Variants in SCN9A observed in about 807,000 individuals in gnomAD.
The protein encoded by SCN9A is sodium channel protein type 9 subunit alpha.
A neutral mutation model predicts 187.0 loss-of-function variants in SCN9A; 131 were observed. The ratio of observed to expected loss-of-function variants is 0.70; its 90% CI spans 0.61 to 0.81. The LOEUF is 0.81. SCN9A is among the 30% of genes least tolerant of loss of function. The pLI, the probability that SCN9A is intolerant of heterozygous loss-of-function variation, is 0.00. For missense variants in SCN9A, 2,252 were observed against 2,396.6 expected (o/e 0.94, Z 1.26); for synonymous variants, 809 against 808.6 (o/e 1.00, Z -0.01).
At chr2:166,225,359 T>C (rs891251601) in intron 24 of SCN9A, among the ~76,000 whole-genome samples, 1 of 152,192 alleles carries the variant, frequency 6.6e-6, no homozygotes, top group East Asian at 1.9e-4. Flanking sequence ...CTGACTGTCA[T>C]GTATATTTTT....
At chr2:166,257,185 A>T (rs1428809186) in intron 17 of SCN9A, among the ~76,000 whole-genome samples, 1 of 151,668 alleles carries the variant, frequency 6.6e-6, no homozygotes, top group Non-Finnish European at 1.5e-5. Context: ...AGTGTCTTAA[A>T]GTCTTTAGAA....
chr2:166,375,045 A>T (rs1014405373), intron 1 of SCN9A, among the ~76,000 whole-genome samples: 2 of 152,154 alleles, frequency 1.3e-5, no homozygotes, highest in Non-Finnish European at 1.5e-5. Context: ...ATTTTTTCCT[A>T]AAAGTAAATG....
Position 166,286,626 on chromosome 2 carries a change from G to T in SCN9A, c.1315-3C>A. Reference sequence around the variant, plus strand: ...TCAGCCGCTGCCGCTGCAATTGCCTGGTTGGGCCAAGACGTTAACACTTAA... The same window carrying T: ...TCAGCCGCTGCCGCTGCAATTGCCTTGTTGGGCCAAGACGTTAACACTTAA... On this transcript the variant is annotated splice_region_variant and splice_polypyrimidine_tract_variant and intron_variant, in intron 10 of 26. Coordinates refer to ENST00000642356, the MANE Select transcript of SCN9A (RefSeq NM_001365536.1). 6.5e-7 allele frequency: 1 copy of T among 1,530,760 alleles called. No individual in the cohort carries two copies. The highest frequency in any genetic ancestry group is 8.7e-7 in the Non-Finnish European group (1 of 1,144,500). The allele number at this position is 1,530,760 out of a possible 1,614,324, so 94.8% of individuals were successfully genotyped here.
chr2:166,263,495 G>A (rs753534763), intron 17 of SCN9A, among the ~76,000 whole-genome samples: 6 of 151,916 alleles, frequency 3.9e-5, no homozygotes, highest in Non-Finnish European at 8.8e-5. Context: ...ACTGCAAGTA[G>A]TTCAAATTTA....
chr2:166,361,285 C>T (rs1038064012), intron 1 of SCN9A, among the ~76,000 whole-genome samples: 15 of 152,006 alleles, frequency 9.9e-5, no homozygotes, highest in Admixed American at 7.9e-4. Flanking sequence ...TTCTTAGGAA[C>T]GAGAATATAT....
At chr2:166,315,519 A>G (rs1307999247) in intron 1 of SCN9A, among the ~76,000 whole-genome samples, 1 of 152,228 alleles carries the variant, frequency 6.6e-6, no homozygotes, top group Non-Finnish European at 1.5e-5. Flanking sequence ...TTAAAGGAAG[A>G]CACTAAGCAC....
At chr2:166,303,861 T>C (rs1698662641) in intron 6 of SCN9A, among the ~76,000 whole-genome samples, 1 of 152,184 alleles carries the variant, frequency 6.6e-6, no homozygotes, top group South Asian at 2.1e-4. Context: ...CAAGTAGTCA[T>C]CCTCATCCTA....
intron 1 of SCN9A, among the ~76,000 whole-genome samples, chr2:166,364,293 G>T (rs549032856): frequency 6.6e-6 from 1 of 152,172 alleles, no homozygotes; most frequent in South Asian, 2.1e-4. Flanking sequence ...AAATTAAACA[G>T]AAATATCACA....
intron 21 of SCN9A, among the ~76,000 whole-genome samples, chr2:166,229,644 T>G (rs896322287): frequency 2.6e-5 from 4 of 152,222 alleles, no homozygotes; most frequent in African/African-American, 7.2e-5. Flanking sequence ...TTTATTATTA[T>G]TACTCTAAAT....
At chr2:166,225,192 C>T (rs916716764) in intron 24 of SCN9A, among the ~76,000 whole-genome samples, 1 of 152,124 alleles carries the variant, frequency 6.6e-6, no homozygotes, top group Admixed American at 6.6e-5. Context: ...CCTCTTTTAT[C>T]AACACAATTC....
At chr2:166,249,396 T>A (rs907516939) in intron 18 of SCN9A, 1 of 152,096 alleles carries the variant, frequency 6.6e-6, no homozygotes, top group African/African-American at 2.4e-5. Flanking sequence ...TATTTAATAA[T>A]TATTTGTTTA....
chr2:166,239,126 A>G (rs1695449905), intron 19 of SCN9A, among the ~76,000 whole-genome samples: 1 of 152,030 alleles, frequency 6.6e-6, no homozygotes, highest in Non-Finnish European at 1.5e-5. Context: ...CCCTTGACAA[A>G]GAATTTGAAA....
chr2:166,364,847 A>C (rs1700376964), intron 1 of SCN9A, among the ~76,000 whole-genome samples: 1 of 152,162 alleles, frequency 6.6e-6, no homozygotes, highest in Non-Finnish European at 1.5e-5. Flanking sequence ...TATTTTACCA[A>C]AATATAAATT....
chr2:166,359,418 C>T (rs1700226061), intron 1 of SCN9A, among the ~76,000 whole-genome samples: 1 of 152,056 alleles, frequency 6.6e-6, no homozygotes, highest in African/African-American at 2.4e-5. Flanking sequence ...GCTGGCTACT[C>T]ATTTTAGAAC....
At chr2:166,315,858 A>G (rs757698701) in intron 1 of SCN9A, among the ~76,000 whole-genome samples, 3 of 152,202 alleles carry the variant, frequency 2.0e-5, no homozygotes, top group Non-Finnish European at 4.4e-5. Context: ...AGTCTTCTGG[A>G]TAAACAGGCC....
At chr2:166,273,818 A>T (rs530976544) in intron 16 of SCN9A, among the ~76,000 whole-genome samples, 1 of 152,154 alleles carries the variant, frequency 6.6e-6, no homozygotes, top group African/African-American at 2.4e-5. Context: ...TAAAAATCGA[A>T]GTAAGACCTA....
intron 1 of SCN9A, among the ~76,000 whole-genome samples, chr2:166,335,063 AG>A (rs1559047762): frequency 6.6e-6 from 1 of 152,184 alleles, no homozygotes; most frequent in Non-Finnish European, 1.5e-5. Context: ...GAGCTTCAAA[AG>A]GAGTTTTTCT....
Position 166,281,803 on chromosome 2 carries a change from C to A in SCN9A, c.1980G>T (p.Thr660=), listed in dbSNP as rs200014315. Residue 660 remains threonine (T), a synonymous_variant, in exon 13 of 27, where the codon ACG becomes ACT. Coordinates refer to ENST00000642356, the MANE Select transcript of SCN9A (RefSeq NM_001365536.1). ...GCCTTTTCTTGTGTATTTGATTGGT[C>A]GTGCCCTAAAAAAAAAATCAATTAA... ...IDKATSDDSG[T]TNQIHKKRRC... 1.9e-6 allele frequency: 3 copies of A among 1,600,600 alleles called. No individual in the cohort carries two copies. The highest frequency in any genetic ancestry group is 1.1e-5 in the South Asian group (1 of 88,246).
At chr2:166,317,940 GAA>G (rs755813688) in intron 1 of SCN9A, among the ~76,000 whole-genome samples, 1 of 152,194 alleles carries the variant, frequency 6.6e-6, no homozygotes, top group Non-Finnish European at 1.5e-5. Context: ...ACTCATCTGA[GAA>G]TGTTAGAATT....
Sources: gnomAD v4.1 joint callset for allele counts (sites outside exome capture counted in the v4.1 genomes callset) on GRCh38, gnomAD v4.1.1 for gene constraint, MANE v1.5 for transcripts, NCBI Gene and HGNC (gene_info 2026-07-23, HGNC 2026-07-21) for gene names.